The following ADAMTS19 variants were observed in gnomAD, a reference collection of about 807,000 sequenced individuals.
The protein encoded by ADAMTS19 is A disintegrin and metalloproteinase with thrombospondin motifs 19.
Under a neutral mutation model 153.3 loss-of-function variants are expected in ADAMTS19, and 93 were observed. The ratio of observed to expected loss-of-function variants is 0.61; its 90% CI spans 0.51 to 0.72. The LOEUF is 0.72. ADAMTS19 is among the 30% of genes least tolerant of loss of function. The probability of loss-of-function intolerance (pLI) is 0.00; values close to 1 mark genes in which losing one functional copy is unlikely to be tolerated. For synonymous variants in ADAMTS19, 600 were observed against 556.6 expected (o/e 1.08, Z -1.10); for missense variants, 1,482 against 1,552.1 (o/e 0.95, Z 0.76).
At chr5:129,555,101 A>G (rs905879195) in intron 7 of ADAMTS19, among the ~76,000 whole-genome samples, 1 of 151,762 alleles carries the variant, frequency 6.6e-6, no homozygotes, top group Non-Finnish European at 1.5e-5. Flanking sequence ...CAGCCATTTT[A>G]CTTTTTTTTT....
chr5:129,589,921 T>C (rs1402007724), intron 7 of ADAMTS19, among the ~76,000 whole-genome samples: 1 of 152,178 alleles, frequency 6.6e-6, no homozygotes, highest in Non-Finnish European at 1.5e-5. Context: ...TCTTTTATGT[T>C]ACATATATGG....
rs1756995138 is a variant in ADAMTS19 at position 129,721,247 on chromosome 5, A to C, written c.3313-13685A>C. ...AGAATACATGAAGATGATCTTGATAAAAATATTCAACTATATCATAAAAGG... is the reference window on the plus strand; with the variant it reads ...AGAATACATGAAGATGATCTTGATACAAATATTCAACTATATCATAAAAGG... On this transcript the variant is annotated intron_variant, in intron 21 of 22. Coordinates refer to ENST00000274487, the MANE Select transcript of ADAMTS19 (RefSeq NM_133638.6). Among the ~76,000 whole-genome samples, 3 of 152,350 alleles carry C rather than the reference A, an allele frequency of 2.0e-5. No individual in the cohort carries two copies. The South Asian group carries it at 6.2e-4, about 32-fold the overall frequency.
chr5:129,536,758 G>A (rs915812307), intron 6 of ADAMTS19, among the ~76,000 whole-genome samples: 1 of 152,154 alleles, frequency 6.6e-6, no homozygotes, highest in Non-Finnish European at 1.5e-5. Flanking sequence ...CATGTCCTTT[G>A]TAGGGACATG....
intron 2 of ADAMTS19, among the ~76,000 whole-genome samples, chr5:129,463,397 A>T (rs1749753804): frequency 6.6e-6 from 1 of 152,170 alleles, no homozygotes. Context: ...AGTATTTATA[A>T]AAAAAGAATT....
chr5:129,528,816 C>G (rs1048876616), intron 6 of ADAMTS19, 139 bp downstream of exon 6: 6 of 610,410 alleles, frequency 9.8e-6, no homozygotes, highest in Non-Finnish European at 1.3e-5. Context: ...TGTTAGTCAT[C>G]TCCCTCAAAT....
At chr5:129,734,058 T>G (rs1757562491) in intron 21 of ADAMTS19, among the ~76,000 whole-genome samples, 1 of 151,662 alleles carries the variant, frequency 6.6e-6, no homozygotes, top group African/African-American at 2.4e-5. Flanking sequence ...CTGGAGGCCA[T>G]TATCCTAAGT....
chr5:129,542,528 C>G (rs1752692098), intron 6 of ADAMTS19, among the ~76,000 whole-genome samples: 4 of 152,120 alleles, frequency 2.6e-5, no homozygotes, highest in Admixed American at 2.6e-4. Context: ...CTTGCCCAGA[C>G]TTACAAGGTT....
chr5:129,488,590 C>T (rs956128484), intron 2 of ADAMTS19, among the ~76,000 whole-genome samples: 15 of 152,000 alleles, frequency 9.9e-5, no homozygotes, highest in Non-Finnish European at 1.0e-4. Flanking sequence ...TTTATAGTCT[C>T]AGTTTACTAC....
chr5:129,658,821 A>G (rs1753705895), intron 15 of ADAMTS19, 84 bp downstream of exon 15: 2 of 1,370,702 alleles, frequency 1.5e-6, no homozygotes, highest in Admixed American at 2.3e-5. Context: ...TTAAGAGATT[A>G]TAGTTCTAAT....
intron 10 of ADAMTS19, among the ~76,000 whole-genome samples, chr5:129,623,134 G>A (rs933890318): frequency 3.9e-5 from 6 of 152,078 alleles, no homozygotes; most frequent in Non-Finnish European, 1.5e-5. Flanking sequence ...AATTAAGAGA[G>A]TACATTTCTA....
chr5:129,555,113 T>C (rs1374948854), intron 7 of ADAMTS19, among the ~76,000 whole-genome samples: 2 of 152,078 alleles, frequency 1.3e-5, no homozygotes, highest in Non-Finnish European at 2.9e-5. Context: ...TTTTTTTTTC[T>C]GTAATGAAAA....
chr5:129,652,112 A>G (rs1290688575), intron 13 of ADAMTS19, among the ~76,000 whole-genome samples: 1 of 152,210 alleles, frequency 6.6e-6, no homozygotes, highest in African/African-American at 2.4e-5. Context: ...TCTGACTCTT[A>G]CAAAGTGATG....
rs1441042164 is a variant in ADAMTS19, at chr5:129,665,555, G to C, written c.2482G>C (p.Glu828Gln). The change falls in exon 16 of 23, where the codon GAA becomes CAA. Residue 828 changes from glutamate to glutamine, a missense_variant. Glu to Gln is a conservative substitution (Grantham distance 29, BLOSUM62 2). Around this residue, in one of 2 missense-constraint regions of ADAMTS19, gnomAD observed 616 missense variants for 724.4 expected, o/e 0.85. Coordinates refer to ENST00000274487, the MANE Select transcript of ADAMTS19 (RefSeq NM_133638.6). ...AGARRIKVVE[E>Q]KPAHSYLALR... ...AGCAAGAAGAATCAAAGTTGTGGAGGAAAAGCCGGCACATAGCTATTTAGG... is the reference window on the plus strand; with the variant it reads ...AGCAAGAAGAATCAAAGTTGTGGAGCAAAAGCCGGCACATAGCTATTTAGG... 4 of 1,610,632 alleles carry C rather than the reference G, an allele frequency of 2.5e-6. No individual in the cohort carries two copies. The Admixed American group carries it at 6.7e-5, about 27-fold the overall frequency.
chr5:129,519,003 A>C (rs887094408), intron 3 of ADAMTS19, among the ~76,000 whole-genome samples: 1 of 152,028 alleles, frequency 6.6e-6, no homozygotes, highest in Admixed American at 6.6e-5. Context: ...TCAATATGCT[A>C]ATTGCATTTT....
chr5:129,650,947 A>T (rs1753291621), intron 13 of ADAMTS19, among the ~76,000 whole-genome samples: 1 of 152,086 alleles, frequency 6.6e-6, no homozygotes, highest in Admixed American at 6.5e-5. Flanking sequence ...TGGAAACAAA[A>T]CCTAATAAAT....
intron 6 of ADAMTS19, among the ~76,000 whole-genome samples, chr5:129,537,954 G>GA (rs559991497): frequency 0.01 from 1,546 of 151,404 alleles, 21 homozygotes; most frequent in African/African-American, 0.034. Context: ...CACAAAAAAA[G>GA]AAAAAAAAGA....
At chr5:129,555,685 C>A (rs976405717) in intron 7 of ADAMTS19, among the ~76,000 whole-genome samples, 1 of 152,128 alleles carries the variant, frequency 6.6e-6, no homozygotes, top group African/African-American at 2.4e-5. Context: ...TCCTGTTATT[C>A]CCCATGGAGA....
At chr5:129,703,075 G>T (rs1417923941) in intron 20 of ADAMTS19, among the ~76,000 whole-genome samples, 1 of 148,938 alleles carries the variant, frequency 6.7e-6, no homozygotes, top group Non-Finnish European at 1.5e-5. Context: ...TTACTTATTT[G>T]TGCAAGATTT....
At chr5:129,616,968 G>A (rs1429682004) in intron 8 of ADAMTS19, among the ~76,000 whole-genome samples, 2 of 151,968 alleles carry the variant, frequency 1.3e-5, no homozygotes, top group African/African-American at 2.4e-5. Flanking sequence ...CAAACTGCCC[G>A]GATTTGAGTC....
Sources: gnomAD v4.1 joint callset for allele counts (sites outside exome capture counted in the v4.1 genomes callset) on GRCh38, gnomAD v4.1.1 for gene constraint, gnomAD v4.1.1 regional missense constraint, MANE v1.5 for transcripts, NCBI Gene and HGNC (gene_info 2026-07-23, HGNC 2026-07-21) for gene names.